IL13RA1: variants seen among roughly 807,000 people sequenced by gnomAD.
The protein encoded by IL13RA1 is interleukin-13 receptor subunit alpha-1.
IL13RA1 carries 14 observed loss-of-function variants against 33.8 expected under a neutral mutation model. The observed-to-expected ratio is 0.41, with a 90% CI of 0.27 to 0.65. IL13RA1 has a LOEUF of 0.65. Among genes scored for constraint, IL13RA1 ranks in the 30% least tolerant of loss-of-function variants. IL13RA1 has a pLI of 0.28. For synonymous variants in IL13RA1, 116 were observed against 115.7 expected (o/e 1.00, Z -0.02); for missense variants, 313 against 327.0 (o/e 0.96, Z 0.33).
At chrX:118,799,472 T>C (rs1022052239), downstream of IL13RA1, among the ~76,000 whole-genome samples, 29 of 111,519 alleles carry the variant, frequency 2.6e-4, no homozygotes, top group East Asian at 8.0e-3. Context: ...GGATTGTAAA[T>C]ACACCAATCA....
At chrX:118,741,292 A>C (rs2017341798) in intron 2 of IL13RA1, 136 bp downstream of exon 2, 2 of 461,347 alleles carry the variant, frequency 4.3e-6, no homozygotes, top group Non-Finnish European at 7.4e-6. Context: ...AGTTGGGGAA[A>C]TTATAGAAGC....
At chrX:118,771,912 G>T (rs2017725626) in intron 8 of IL13RA1, among the ~76,000 whole-genome samples, 1 of 111,644 alleles carries the variant, frequency 9.0e-6, no homozygotes, top group Admixed American at 9.5e-5. Flanking sequence ...GGCGGAGGTT[G>T]CATTGAGTCG....
Position 118,770,229 on chromosome X carries a change from C to T in IL13RA1, c.1009+3253C>T, listed in dbSNP as rs970611602. On this transcript the variant is annotated intron_variant, in intron 8 of 10. Coordinates refer to ENST00000371666, the MANE Select transcript of IL13RA1 (RefSeq NM_001560.3). Reference sequence around the variant, plus strand: ...CGCTGCACCATCCAGTCAATGAGTGCACCCACTGCGCCGCCTGCCCATCGT... The same window carrying T: ...CGCTGCACCATCCAGTCAATGAGTGTACCCACTGCGCCGCCTGCCCATCGT... 3.6e-4 allele frequency: 111 copies of T among 304,669 alleles called. 1 individual carries two copies. The highest frequency in any genetic ancestry group is 3.1e-3 in the Admixed American group (92 of 30,074). The allele number at this position is 304,669 out of a possible 1,213,427, so 25.1% of individuals were successfully genotyped here.
At chrX:118,804,101 C>T in the IL13RA1 span, among the ~76,000 whole-genome samples, 5 of 107,529 alleles carry the variant, frequency 4.6e-5, no homozygotes, top group South Asian at 4.1e-4. Flanking sequence ...GGATTACAGG[C>T]GCCCGCCACC....
At chrX:118,767,042 A>G in intron 8 of IL13RA1, 66 bp downstream of exon 8, 3 of 586,505 alleles carry the variant, frequency 5.1e-6, no homozygotes, top group South Asian at 7.5e-5. Flanking sequence ...TGAAGCAGAA[A>G]ATAGACTGGG....
At chrX:118,789,068 TA>T (rs1315437930) in intron 10 of IL13RA1, among the ~76,000 whole-genome samples, 2 of 112,568 alleles carry the variant, frequency 1.8e-5, no homozygotes, top group Non-Finnish European at 1.9e-5. Flanking sequence ...GCATAAGGGA[TA>T]TTCTACCTGT....
intron 10 of IL13RA1, among the ~76,000 whole-genome samples, chrX:118,783,527 A>G (rs1029147342): frequency 3.6e-5 from 4 of 111,609 alleles, no homozygotes; most frequent in Non-Finnish European, 7.5e-5. Flanking sequence ...CACTGTGTTG[A>G]TAAAGGGTGG....
At position 118,766,589 on chromosome X, in the gene IL13RA1, C is replaced by A. The variant is rs1345145679; in HGVS notation, c.876+12C>A. 1 of 973,764 alleles carries A rather than the reference C, an allele frequency of 1.0e-6. No individual in the cohort carries two copies. The highest frequency in any genetic ancestry group is 1.5e-6 in the Non-Finnish European group (1 of 680,223). The allele number at this position is 973,764 out of a possible 1,213,427, so 80.2% of individuals were successfully genotyped here. A position where few individuals can be genotyped will look rare whatever the true frequency, so the allele number is the denominator to read the frequency against. The stretch of plus-strand genomic sequence containing the variant: ...AGAGAAATGTGGAGGTCAGTAAATT[C>A]AACATTAGCTATTTGGGTTTAGACT... On this transcript the variant is annotated intron_variant, in intron 7 of 10. Transcript: ENST00000371666.
chrX:118,730,560 C>T (rs1277714119), intron 1 of IL13RA1, among the ~76,000 whole-genome samples: 2 of 111,509 alleles, frequency 1.8e-5, no homozygotes, highest in African/African-American at 6.5e-5. Context: ...AAGAAGGAAC[C>T]TGGCTTGGCA....
At chrX:118,799,125 A>G (rs376618610), downstream of IL13RA1, among the ~76,000 whole-genome samples, 68 of 113,020 alleles carry the variant, frequency 6.0e-4, no homozygotes, top group African/African-American at 1.4e-3. Context: ...GGGTGTACTG[A>G]GTCCCCCAGC....
the IL13RA1 span, among the ~76,000 whole-genome samples, chrX:118,804,637 T>A: frequency 8.9e-6 from 1 of 111,971 alleles, no homozygotes; most frequent in Non-Finnish European, 1.9e-5. Context: ...GCACTGAAAA[T>A]TTTAAAGCAA....
intron 9 of IL13RA1, among the ~76,000 whole-genome samples, 192 bp downstream of exon 9, chrX:118,774,167 T>C (rs1284979697): frequency 9.3e-6 from 1 of 107,190 alleles, no homozygotes; most frequent in Non-Finnish European, 1.9e-5. Context: ...TTTTTTTTTT[T>C]TCCTGAGATG....
chrX:118,759,694 C>T (rs1014236085), intron 5 of IL13RA1, among the ~76,000 whole-genome samples: 18 of 112,415 alleles, frequency 1.6e-4, no homozygotes, highest in South Asian at 1.5e-3. Context: ...GTTAATTACC[C>T]ATTATCTTCT....
intron 10 of IL13RA1, among the ~76,000 whole-genome samples, chrX:118,783,826 T>C (rs1460958295): frequency 1.1e-4 from 12 of 105,378 alleles, no homozygotes; most frequent in Non-Finnish European, 2.1e-4. Flanking sequence ...TTTTTTTTTT[T>C]CTGATCACTT....
chrX:118,760,435 C>T (rs1264482623), intron 5 of IL13RA1, among the ~76,000 whole-genome samples: 3 of 111,648 alleles, frequency 2.7e-5, no homozygotes, highest in Admixed American at 9.5e-5. Flanking sequence ...AGGGAAGCCC[C>T]TTGTATCTGG....
intron 10 of IL13RA1, among the ~76,000 whole-genome samples, chrX:118,781,178 C>G (rs1257024319): frequency 2.1e-5 from 2 of 95,516 alleles, no homozygotes; most frequent in African/African-American, 4.0e-5. Flanking sequence ...CTTCTCCTCT[C>G]TATCTGCATT....
chrX:118,757,636 A>G (rs947408205), intron 4 of IL13RA1, among the ~76,000 whole-genome samples: 3 of 88,748 alleles, frequency 3.4e-5, no homozygotes, highest in South Asian at 5.9e-4. Flanking sequence ...CATTGCAAAT[A>G]TTGCTTTTCA....
At chrX:118,746,119 T>A (rs746020584) in intron 2 of IL13RA1, among the ~76,000 whole-genome samples, 3 of 100,455 alleles carry the variant, frequency 3.0e-5, no homozygotes, top group Non-Finnish European at 5.9e-5. Context: ...TACCCAGAAG[T>A]AACCATGATT....
At chrX:118,760,312 G>A (rs1405646435) in intron 5 of IL13RA1, among the ~76,000 whole-genome samples, 8 of 111,961 alleles carry the variant, frequency 7.1e-5, no homozygotes, top group Admixed American at 3.8e-4. Context: ...TTTTGTGACT[G>A]GCTTATTTTA....
Sources: allele counts gnomAD v4.1 joint callset (sites outside exome capture counted in the v4.1 genomes callset), GRCh38; gene constraint gnomAD v4.1.1; transcripts MANE v1.5; gene names NCBI Gene and HGNC (gene_info 2026-07-23, HGNC 2026-07-21).